ILKAP: variants seen among roughly 807,000 people sequenced by gnomAD.
ILKAP encodes the protein ILK associated serine/threonine phosphatase.
Under a neutral mutation model 49.1 loss-of-function variants are expected in ILKAP, and 11 were observed. That is an observed-to-expected ratio of 0.22 (90% CI 0.14 to 0.37). The LOEUF is 0.37. Ranked by LOEUF, ILKAP falls within the 10% of genes least tolerant of loss-of-function variation. The pLI, the probability that ILKAP is intolerant of heterozygous loss-of-function variation, is 1.00. For synonymous variants in ILKAP, 186 were observed against 192.8 expected, an observed-to-expected ratio of 0.96 and a Z score of 0.29; for missense variants, 363 against 510.8, an observed-to-expected ratio of 0.71 and a Z score of 2.79.
At chr2:238,174,810 C>A (rs1175206173) in intron 9 of ILKAP, among the ~76,000 whole-genome samples, 4 of 152,186 alleles carry the variant, frequency 2.6e-5, no homozygotes, top group African/African-American at 9.7e-5. Flanking sequence ...TGGGTGGGGG[C>A]ACCTGGCCTT....
At chr2:238,183,385 G>A (rs1169424439) in intron 8 of ILKAP, among the ~76,000 whole-genome samples, 1 of 152,072 alleles carries the variant, frequency 6.6e-6, no homozygotes, top group South Asian at 2.1e-4. Flanking sequence ...CAAACCACGG[G>A]AGGAAAAAAG....
chr2:238,174,243 G>A (rs1277437425), intron 9 of ILKAP, among the ~76,000 whole-genome samples: 1 of 152,226 alleles, frequency 6.6e-6, no homozygotes, highest in Non-Finnish European at 1.5e-5. Flanking sequence ...TATTTTAGGT[G>A]AGGGGATATG....
At position 238,189,922 on chromosome 2, in the gene ILKAP, C is replaced by T. The variant is rs767415367; in HGVS notation, c.229G>A (p.Ala77Thr). 3.2e-5 allele frequency: 51 copies of T among 1,613,822 alleles called. No homozygotes were observed. In the South Asian group the frequency reaches 4.8e-4, roughly 15 times the overall value. Residue 77 changes from alanine to threonine, a missense_variant, in exon 4 of 12, where the codon GCA becomes ACA. Coordinates refer to ENST00000254654, the MANE Select transcript of ILKAP (RefSeq NM_030768.3). ...TCTTCCTCGGAGGTTTTTCTCTTTG[C>T]TCCTTTCCCTTCAGTCTTTACCATC... ...SQMVKTEGKG[A>T]KRKTSEEEKN...
intron 9 of ILKAP, among the ~76,000 whole-genome samples, chr2:238,175,413 AGAGTAGTAATCTTACATTCACTGAACT>A (rs1415874741): frequency 1.3e-5 from 2 of 152,206 alleles, no homozygotes; most frequent in Admixed American, 6.5e-5. Context: ...TTCCATATAC[AGAGTAGTAATCTTACATTCACTGAACT>A]GCTAGAGTAA....
At chr2:238,187,618 T>C (rs1433827656) in intron 5 of ILKAP, among the ~76,000 whole-genome samples, 2 of 152,198 alleles carry the variant, frequency 1.3e-5, no homozygotes, top group South Asian at 2.1e-4. Flanking sequence ...TTGTTCTTCC[T>C]GGGCCCTGAT....
intron 9 of ILKAP, among the ~76,000 whole-genome samples, chr2:238,176,777 A>G (rs1224601313): frequency 1.3e-5 from 2 of 152,248 alleles, no homozygotes; most frequent in Admixed American, 6.5e-5. Flanking sequence ...CTCCTCTTGC[A>G]TGTCAGTAAA....
At chr2:238,191,379 T>C (rs894750999) in intron 3 of ILKAP, among the ~76,000 whole-genome samples, 1 of 152,178 alleles carries the variant, frequency 6.6e-6, no homozygotes, top group South Asian at 2.1e-4. Context: ...GTGTCAGACA[T>C]TTCTTAGTGC....
chr2:238,182,507 CCCTTTTGG>C (rs1170645172), intron 8 of ILKAP, among the ~76,000 whole-genome samples: 1 of 152,158 alleles, frequency 6.6e-6, no homozygotes, highest in Non-Finnish European at 1.5e-5. Flanking sequence ...GTATCAAGGT[CCCTTTTGG>C]CCTGGAGTCT....
rs1389766557 is a variant in ILKAP, at chr2:238,182,144, C to T, written c.757G>A (p.Ala253Thr). 1.9e-6 allele frequency: 3 copies of T among 1,613,856 alleles called. No homozygotes were observed. Among genetic ancestry groups the T allele is most frequent in the South Asian group, 1.1e-5 (1 of 91,078 alleles). Residue 253 changes from alanine to threonine, a missense_variant, in exon 9 of 12, where the codon GCC (alanine) becomes ACC (threonine). This residue lies in a region of ILKAP where 166 missense variants were observed against 307.3 expected (regional missense o/e 0.54). Coordinates refer to ENST00000254654, the MANE Select transcript of ILKAP (RefSeq NM_030768.3). ...TTATGCTCTTTGCTGAGGCTTAAGG[C>T]TGCATGTTTTTGACTCTCCTCATTA... ...RYNEESQKHA[A>T]LSLSKEHNPT... is the part of the protein sequence containing the mutation.
chr2:238,175,374 G>A (rs1464234656), intron 9 of ILKAP, among the ~76,000 whole-genome samples: 2 of 152,138 alleles, frequency 1.3e-5, no homozygotes, highest in Non-Finnish European at 2.9e-5. Context: ...GATTACAGGC[G>A]TAATGTGGCC....
intron 9 of ILKAP, among the ~76,000 whole-genome samples, chr2:238,175,289 T>C (rs1297766107): frequency 6.6e-6 from 1 of 151,954 alleles, no homozygotes; most frequent in Non-Finnish European, 1.5e-5. Flanking sequence ...TTTGTACAGA[T>C]GGGGTGTTGC....
intron 4 of ILKAP, among the ~76,000 whole-genome samples, chr2:238,189,252 T>C (rs1219745243): frequency 6.6e-6 from 1 of 151,820 alleles, no homozygotes; most frequent in Non-Finnish European, 1.5e-5. Context: ...GAGGCGGAGC[T>C]TGCAGTGAGC....
At chr2:238,202,326 C>T (rs971843022) in intron 1 of ILKAP, among the ~76,000 whole-genome samples, 24 of 152,326 alleles carry the variant, frequency 1.6e-4, no homozygotes, top group Admixed American at 4.6e-4. Context: ...CCCAGTCTCT[C>T]GGTGCCCGAC....
At chr2:238,172,675 C>G (rs947256174) in intron 10 of ILKAP, among the ~76,000 whole-genome samples, 1 of 152,218 alleles carries the variant, frequency 6.6e-6, no homozygotes, top group Admixed American at 6.5e-5. Flanking sequence ...CAAGGCCAAG[C>G]AGGCGAGTGC....
At chr2:238,184,811 C>G (rs1693838372) in intron 6 of ILKAP, among the ~76,000 whole-genome samples, 1 of 151,946 alleles carries the variant, frequency 6.6e-6, no homozygotes, top group African/African-American at 2.4e-5. Context: ...GATCTTCTGG[C>G]CTTGGCCTCC....
chr2:238,188,722 A>AC (rs1289104862), intron 4 of ILKAP: 2 of 153,430 alleles, frequency 1.3e-5, no homozygotes, highest in African/African-American at 4.8e-5. Context: ...AAGAATTTGA[A>AC]CAAACAGTAA....
intron 4 of ILKAP, 120 bp from the exon 5 acceptor site, chr2:238,188,377 A>G (rs935086581): frequency 8.1e-6 from 10 of 1,240,486 alleles, no homozygotes; most frequent in Non-Finnish European, 9.9e-6. Flanking sequence ...CTAATGGCGC[A>G]AACAAATAAG....
chr2:238,187,791 G>T (rs575739547), intron 5 of ILKAP, among the ~76,000 whole-genome samples: 26 of 152,162 alleles, frequency 1.7e-4, no homozygotes, highest in Non-Finnish European at 2.9e-4. Context: ...GTCATCTCCC[G>T]CTCAGCAGGG....
intron 9 of ILKAP, among the ~76,000 whole-genome samples, chr2:238,177,160 A>G (rs1693497372): frequency 1.3e-5 from 2 of 152,256 alleles, no homozygotes; most frequent in South Asian, 2.1e-4. Flanking sequence ...GAAAAAAATA[A>G]TGCACAAAGA....
Sources: gnomAD v4.1 joint callset for allele counts (sites outside exome capture counted in the v4.1 genomes callset) on GRCh38, gnomAD v4.1.1 for gene constraint, gnomAD v4.1.1 regional missense constraint, MANE v1.5 for transcripts, NCBI Gene and HGNC (gene_info 2026-07-23, HGNC 2026-07-21) for gene names.